LRP4: variants seen among roughly 807,000 people sequenced by gnomAD.
LRP4 encodes the protein low-density lipoprotein receptor-related protein 4.
LRP4 carries 95 observed loss-of-function variants against 220.3 expected under a neutral mutation model. The ratio of observed to expected loss-of-function variants is 0.43; its 90% CI spans 0.37 to 0.51. The LOEUF is 0.51. LRP4 is among the 20% of genes least tolerant of loss of function. The probability of loss-of-function intolerance (pLI) is 0.00; values close to 1 mark genes in which losing one functional copy is unlikely to be tolerated. For missense variants in LRP4, 1,925 were observed against 2,567.0 expected, an observed-to-expected ratio of 0.75 and a Z score of 5.40; for synonymous variants, 903 against 954.6, an observed-to-expected ratio of 0.95 and a Z score of 1.00.
In LRP4 at chr11:46,859,230, TC is replaced by T. The variant is rs1391737062; in HGVS notation, c.5470del (p.Asp1824MetfsTer20). ...TGAGCTTCGCAGTTGCTTGAGGTCA[TC>T]CCACTCAGCATCATCCCCAGACAGG... Reference protein sequence around the residue: ...CLLSGDDAEWDDLKQLRSSRG... With the variant: ...CLLSGDDAEWXDLKQLRSSRG... On this transcript the variant is annotated frameshift_variant, in exon 38 of 38. Transcript: ENST00000378623. LOFTEE classifies it high-confidence loss of function. The T allele has an allele frequency of 6.2e-7, 1 of 1,614,108 alleles. No homozygotes were observed. The highest frequency in any genetic ancestry group is 1.1e-5 in the South Asian group (1 of 91,078).
chr11:46,860,036 A>T (rs1183312392), intron 37 of LRP4, among the ~76,000 whole-genome samples: 1 of 151,978 alleles, frequency 6.6e-6, no homozygotes, highest in Non-Finnish European at 1.5e-5. Context: ...GGAGTTCGAG[A>T]CTAGCCTGGC....
At chr11:46,913,154 C>T (rs567009719) in intron 1 of LRP4, among the ~76,000 whole-genome samples, 2 of 152,226 alleles carry the variant, frequency 1.3e-5, no homozygotes, top group East Asian at 1.9e-4. Flanking sequence ...ACAGCCAGTC[C>T]GCTCATCTGT....
Position 46,900,339 on chromosome 11 carries a change from T to C in LRP4, c.239A>G (p.Asn80Ser). 6.2e-7 allele frequency: 1 copy of C among 1,614,022 alleles called. No individual in the cohort carries two copies. Among genetic ancestry groups the C allele is most frequent in the Non-Finnish European group, 8.5e-7 (1 of 1,179,946 alleles). The change falls in exon 3 of 38, where the codon AAT (asparagine) becomes AGT (serine). Residue 80 changes from asparagine (N) to serine (S), a missense_variant. Asn to Ser is a conservative substitution (Grantham distance 46). Around this residue, in one of 3 missense-constraint regions of LRP4, gnomAD observed 412 missense variants for 505.4 expected, o/e 0.82. Transcript: ENST00000378623. ...TCSPLDFHCD[N>S]GKCIRRSWVC... Reference sequence around the variant, plus strand: ...CCAGGAGCGGCGGATGCACTTGCCATTGTCACAGTGAAAGTCAAGAGGGGA... The same window carrying C: ...CCAGGAGCGGCGGATGCACTTGCCACTGTCACAGTGAAAGTCAAGAGGGGA...
intron 12 of LRP4, 43 bp from the exon 13 acceptor site, chr11:46,893,172 G>T (rs1941458464): frequency 4.3e-6 from 7 of 1,612,742 alleles, no homozygotes; most frequent in Non-Finnish European, 5.1e-6. Context: ...AGTCAACCCA[G>T]GCCCCCATGT....
chr11:46,897,030 C>T, intron 7 of LRP4, 36 bp from the exon 8 acceptor site: 2 of 1,613,670 alleles, frequency 1.2e-6, no homozygotes, highest in Non-Finnish European at 1.7e-6. Context: ...AGGTGGGCCC[C>T]ATTTCAGCCT....
rs376540994 is a variant in LRP4, at chr11:46,862,621, C to T, written c.5370G>A (p.Leu1790=). The change falls in exon 37 of 38, where the codon CTG becomes CTA. Residue 1790 remains leucine (L), a synonymous_variant. Coordinates refer to ENST00000378623, the MANE Select transcript of LRP4 (RefSeq NM_002334.4). ...CAATTTTTACCTCTTTCTTATAGCA[C>T]AGCTGGTTGTACATGGCTGGTTTGG... ...AIPKPAMYNQ[L]CYKKEGGPDH... The T allele has an allele frequency of 6.2e-6, 10 of 1,614,014 alleles. No homozygotes were observed. In the South Asian group the frequency reaches 9.9e-5, roughly 16 times the overall value.
In LRP4 at chr11:46,874,919, G is replaced by A. The variant is rs143496445; in HGVS notation, c.4110C>T (p.Asp1370=). ...SRGSIRRISL[D]TSDHTDVHVP... Reference sequence around the variant, plus strand: ...CATGCACATCGGTGTGGTCACTGGTGTCCAGTGAGATACGCCGGATGGAGC... The same window carrying A: ...CATGCACATCGGTGTGGTCACTGGTATCCAGTGAGATACGCCGGATGGAGC... The change falls in exon 28 of 38, where the codon GAC becomes GAT. Residue 1370 remains aspartate (D), a synonymous_variant. Coordinates refer to ENST00000378623, the MANE Select transcript of LRP4 (RefSeq NM_002334.4). 3.0e-5 allele frequency: 49 copies of A among 1,613,914 alleles called. No individual in the cohort carries two copies. The African/African-American group carries it at 4.7e-4, about 15-fold the overall frequency.
intron 30 of LRP4, 32 bp from the exon 31 acceptor site, chr11:46,871,665 A>C: frequency 6.9e-7 from 1 of 1,440,322 alleles, no homozygotes. Flanking sequence ...TGGCTGCTCC[A>C]AACGCTTGCC....
chr11:46,895,762 G>A, intron 10 of LRP4, 122 bp downstream of exon 10: 1 of 1,373,322 alleles, frequency 7.3e-7, no homozygotes, highest in Non-Finnish European at 1.0e-6. Context: ...CACCTCCTAG[G>A]GTTATTGTGA....
chr11:46,913,969 G>C (rs1386027488), intron 1 of LRP4, among the ~76,000 whole-genome samples: 1 of 151,660 alleles, frequency 6.6e-6, no homozygotes, highest in African/African-American at 2.4e-5. Context: ...GAAGGACCAA[G>C]TCTCAATTTT....
At chr11:46,911,026 G>A (rs1220692657) in intron 1 of LRP4, among the ~76,000 whole-genome samples, 1 of 152,170 alleles carries the variant, frequency 6.6e-6, no homozygotes, top group Non-Finnish European at 1.5e-5. Flanking sequence ...AAGGACAGGA[G>A]AGAGAATCCA....
rs529603244 is a variant in LRP4 at position 46,872,996 on chromosome 11, A to G, written c.4583+104T>C. ...CTTCTCAATGATTCCTCTTCCCCAC[A>G]TACCAAGAAGCTTTCTATCTTTTCA... On this transcript the variant is annotated intron_variant, in intron 30 of 37. Transcript: ENST00000378623. 8.1e-6 allele frequency: 12 copies of G among 1,490,476 alleles called. No individual in the cohort carries two copies. In the East Asian group the frequency reaches 2.5e-4, roughly 31 times the overall value. The allele number at this position is 1,490,476 out of a possible 1,614,324, so 92.3% of individuals were successfully genotyped here.
intron 2 of LRP4, among the ~76,000 whole-genome samples, chr11:46,901,866 G>A (rs1176986026): frequency 6.6e-6 from 1 of 151,828 alleles, no homozygotes; most frequent in Non-Finnish European, 1.5e-5. Context: ...CCAAGTAGCT[G>A]GGACCTCAGG....
Position 46,861,716 on chromosome 11 carries a change from C to A in LRP4, c.5385+890G>T, listed in dbSNP as rs905061917. Among the ~76,000 whole-genome samples, 3 of 151,580 alleles carry A rather than the reference C, an allele frequency of 2.0e-5. No individual in the cohort carries two copies. In the East Asian group the frequency reaches 5.8e-4, roughly 29 times the overall value. ...CATTGAAATGGGACTATTTTTCATG[C>A]CTTCACATTGAGCAAATAATTTTCC... On this transcript the variant is annotated intron_variant, in intron 37 of 37. Coordinates refer to ENST00000378623, the MANE Select transcript of LRP4 (RefSeq NM_002334.4).
At chr11:46,913,735 A>C (rs1248954170) in intron 1 of LRP4, among the ~76,000 whole-genome samples, 3 of 152,130 alleles carry the variant, frequency 2.0e-5, no homozygotes, top group Non-Finnish European at 2.9e-5. Flanking sequence ...ATCCCTGACC[A>C]CTTAAGAAGG....
intron 23 of LRP4, 73 bp from the exon 24 acceptor site, chr11:46,876,903 T>G (rs1168868525): frequency 8.3e-7 from 1 of 1,203,748 alleles, no homozygotes; most frequent in Non-Finnish European, 1.2e-6. Flanking sequence ...GATTCATGTC[T>G]TGAAACACCA....
Position 46,877,069 on chromosome 11 carries a change from G to A in LRP4, c.3277+130C>T, listed in dbSNP as rs553928691. ...GAGTGCTAGAGAGACAGGGACAGGG[G>A]CTATGCCAGAGGGAATGGGGAACAA... is the stretch of plus-strand genomic sequence containing the variant. On this transcript the variant is annotated intron_variant, in intron 23 of 37. Transcript: ENST00000378623. The A allele has an allele frequency of 3.6e-6, 4 of 1,103,478 alleles. No individual in the cohort carries two copies. In the Admixed American group the frequency reaches 5.1e-5, roughly 14 times the overall value. 68.4% of individuals were successfully genotyped at this position (1,103,478 alleles called of 1,614,324 possible). A position where few individuals can be genotyped will look rare whatever the true frequency, so the allele number is the denominator to read the frequency against.
At chr11:46,898,126 T>C (rs1319432449) in intron 7 of LRP4, among the ~76,000 whole-genome samples, 2 of 130,914 alleles carry the variant, frequency 1.5e-5, no homozygotes, top group African/African-American at 5.9e-5. Context: ...CCCTCCTGGA[T>C]GGGGCGGCTG....
intron 2 of LRP4, among the ~76,000 whole-genome samples, chr11:46,901,195 G>T (rs952996458): frequency 5.3e-5 from 8 of 152,190 alleles, no homozygotes; most frequent in African/African-American, 1.9e-4. Flanking sequence ...AGATTCAAAA[G>T]GTAATTGTGG....
Sources: gnomAD v4.1 joint callset for allele counts (sites outside exome capture counted in the v4.1 genomes callset) on GRCh38, gnomAD v4.1.1 for gene constraint, gnomAD v4.1.1 regional missense constraint, MANE v1.5 for transcripts, NCBI Gene and HGNC (gene_info 2026-07-23, HGNC 2026-07-21) for gene names.